RCAN2: variants seen among roughly 807,000 people sequenced by gnomAD.
RCAN2 encodes regulator of calcineurin 2.
In RCAN2, 9 loss-of-function variants were observed where a neutral mutation model predicts 23.6. That is an observed-to-expected ratio of 0.38 (90% CI 0.23 to 0.67). The LOEUF is 0.67. RCAN2 is among the 30% of genes least tolerant of loss of function. The pLI is 0.51. For missense variants in RCAN2, 273 were observed against 302.3 expected (o/e 0.90, Z 0.72); for synonymous variants, 109 against 115.7 (o/e 0.94, Z 0.37).
intron 1 of RCAN2, among the ~76,000 whole-genome samples, chr6:46,485,213 G>A (rs1261834087): frequency 3.9e-5 from 6 of 152,164 alleles, no homozygotes; most frequent in African/African-American, 9.7e-5. Flanking sequence ...AGAGGAAAGC[G>A]TAAATGAATT....
At chr6:46,319,776 T>G (rs139119799) in intron 2 of RCAN2, among the ~76,000 whole-genome samples, 164 of 152,336 alleles carry the variant, frequency 1.1e-3, no homozygotes, top group Middle Eastern at 0.01. Flanking sequence ...ATTAATTCAT[T>G]TATTTCCAAA....
intron 2 of RCAN2, among the ~76,000 whole-genome samples, chr6:46,270,988 A>AC (rs749552280): frequency 3.3e-5 from 5 of 152,290 alleles, no homozygotes; most frequent in Non-Finnish European, 7.4e-5. Context: ...TGAGCTAAAG[A>AC]CCCAATTAAG....
intron 4 of RCAN2, among the ~76,000 whole-genome samples, chr6:46,234,980 C>T (rs939102726): frequency 6.6e-6 from 1 of 152,296 alleles, no homozygotes; most frequent in South Asian, 2.1e-4. Flanking sequence ...CATGGTACAA[C>T]CTCACTTGCC....
At chr6:46,348,651 T>C (rs757154625) in intron 2 of RCAN2, among the ~76,000 whole-genome samples, 1 of 152,192 alleles carries the variant, frequency 6.6e-6, no homozygotes, top group Non-Finnish European at 1.5e-5. Flanking sequence ...TCATTTACTA[T>C]ATCTGGGTTC....
intron 1 of RCAN2, among the ~76,000 whole-genome samples, chr6:46,470,206 C>CA (rs138903876): frequency 0.017 from 2,540 of 152,278 alleles, 64 homozygotes; most frequent in African/African-American, 0.058. Context: ...GTGCAGCCGA[C>CA]AGACTCCTGA....
At chr6:46,324,712 T>A (rs912444228) in intron 2 of RCAN2, among the ~76,000 whole-genome samples, 6 of 152,242 alleles carry the variant, frequency 3.9e-5, no homozygotes, top group Non-Finnish European at 5.9e-5. Flanking sequence ...GACGATTACC[T>A]ATGACAAGTC....
At chr6:46,427,669 G>A (rs923522040) in intron 2 of RCAN2, among the ~76,000 whole-genome samples, 2 of 152,074 alleles carry the variant, frequency 1.3e-5, no homozygotes, top group African/African-American at 2.4e-5. Context: ...CTCTTAACCC[G>A]GATTCTGAGT....
intron 2 of RCAN2, among the ~76,000 whole-genome samples, chr6:46,352,686 C>T (rs1435024557): frequency 6.6e-6 from 1 of 152,194 alleles, no homozygotes; most frequent in African/African-American, 2.4e-5. Flanking sequence ...AAGTAAAATT[C>T]CCCTGGGAGA....
chr6:46,253,670 T>C (rs929570023), intron 2 of RCAN2, among the ~76,000 whole-genome samples: 1 of 152,234 alleles, frequency 6.6e-6, no homozygotes, highest in African/African-American at 2.4e-5. Context: ...TTTTTCTTTT[T>C]TCTTTTTTTA....
intron 1 of RCAN2, among the ~76,000 whole-genome samples, chr6:46,476,299 T>G (rs1471074722): frequency 2.0e-5 from 3 of 152,184 alleles, no homozygotes; most frequent in African/African-American, 7.2e-5. Flanking sequence ...TTTTGGTAAA[T>G]TGGCATGCAT....
intron 2 of RCAN2, among the ~76,000 whole-genome samples, chr6:46,366,064 G>C (rs1765163840): frequency 6.6e-6 from 1 of 152,122 alleles, no homozygotes; most frequent in Non-Finnish European, 1.5e-5. Context: ...GTGAGGCCAG[G>C]ATTTGAATTC....
chr6:46,420,041 A>T (rs1456872513), intron 2 of RCAN2, among the ~76,000 whole-genome samples: 1 of 152,154 alleles, frequency 6.6e-6, no homozygotes, highest in Non-Finnish European at 1.5e-5. Context: ...CAAGACTTAA[A>T]TTATTTTACT....
chr6:46,413,519 C>A (rs536385333), intron 2 of RCAN2, among the ~76,000 whole-genome samples: 242 of 152,208 alleles, frequency 1.6e-3, no homozygotes, highest in Non-Finnish European at 1.8e-3. Flanking sequence ...TAGGATGGAA[C>A]AACAGTATAA....
At chr6:46,265,180 G>T (rs1017731220) in intron 2 of RCAN2, among the ~76,000 whole-genome samples, 1 of 152,168 alleles carries the variant, frequency 6.6e-6, no homozygotes, top group Non-Finnish European at 1.5e-5. Flanking sequence ...AAGAGGAGCT[G>T]GTTCTGTCAA....
At chr6:46,239,254 T>C (rs1047054524) in intron 4 of RCAN2, among the ~76,000 whole-genome samples, 10 of 152,304 alleles carry the variant, frequency 6.6e-5, no homozygotes, top group African/African-American at 2.4e-4. Context: ...ATTCACAAGC[T>C]CAATCTGGGA....
At chr6:46,417,274 G>T (rs780615739) in intron 2 of RCAN2, among the ~76,000 whole-genome samples, 1 of 152,150 alleles carries the variant, frequency 6.6e-6, no homozygotes, top group Non-Finnish European at 1.5e-5. Flanking sequence ...CTGAGTGTTA[G>T]CTTCATTCAC....
intron 2 of RCAN2, among the ~76,000 whole-genome samples, chr6:46,305,322 G>A (rs940407950): frequency 1.1e-4 from 16 of 152,100 alleles, no homozygotes; most frequent in East Asian, 3.9e-4. Context: ...TACACTTCAC[G>A]TAGCTTCTCA....
At chr6:46,339,455 G>C (rs972067669) in intron 2 of RCAN2, among the ~76,000 whole-genome samples, 3 of 151,776 alleles carry the variant, frequency 2.0e-5, no homozygotes, top group Non-Finnish European at 4.4e-5. Context: ...ATAAACGGGG[G>C]CATAGAATGA....
chr6:46,306,319 A>T (rs535929934), intron 2 of RCAN2, among the ~76,000 whole-genome samples: 4 of 152,154 alleles, frequency 2.6e-5, no homozygotes, highest in Admixed American at 6.5e-5. Flanking sequence ...TAACTGTGTT[A>T]TGATGAAGAA....
Sources: gnomAD v4.1 joint callset for allele counts (sites outside exome capture counted in the v4.1 genomes callset) on GRCh38, gnomAD v4.1.1 for gene constraint, MANE v1.5 for transcripts, NCBI Gene and HGNC (gene_info 2026-07-23, HGNC 2026-07-21) for gene names.